The following SHQ1 variants were observed in gnomAD, a reference collection of about 807,000 sequenced individuals.
SHQ1 encodes the protein protein SHQ1 homolog.
A neutral mutation model predicts 53.8 loss-of-function variants in SHQ1; 49 were observed. That is an observed-to-expected ratio of 0.91 (90% CI 0.72 to 1.16). The LOEUF is 1.16. SHQ1 is among the 50% of genes most tolerant of loss of function. The probability of loss-of-function intolerance (pLI) is 0.00; values close to 1 mark genes in which losing one functional copy is unlikely to be tolerated. For synonymous variants in SHQ1, 243 were observed against 251.0 expected (o/e 0.97, Z 0.30); for missense variants, 738 against 683.1 (o/e 1.08, Z -0.90).
At chr3:72,765,713 C>T (rs1433787081) in intron 10 of SHQ1, among the ~76,000 whole-genome samples, 1 of 151,556 alleles carries the variant, frequency 6.6e-6, no homozygotes, top group Admixed American at 6.6e-5. Context: ...GCCACTACAC[C>T]CAGCTAATTT....
chr3:72,746,094 C>T (rs557744436), downstream of SHQ1, among the ~76,000 whole-genome samples: 20 of 152,276 alleles, frequency 1.3e-4, no homozygotes, highest in African/African-American at 2.4e-4. Flanking sequence ...CTGTCTGCCT[C>T]GGCCTCCCAA....
At chr3:72,783,363 CTTTTTTT>C (rs796866861) in intron 10 of SHQ1, among the ~76,000 whole-genome samples, 4 of 129,130 alleles carry the variant, frequency 3.1e-5, no homozygotes, top group Admixed American at 1.5e-4. Flanking sequence ...TTTTTATACA[CTTTTTTT>C]TTTTTTTTTT....
chr3:72,771,229 C>A (rs905717572), intron 10 of SHQ1, among the ~76,000 whole-genome samples: 1 of 152,194 alleles, frequency 6.6e-6, no homozygotes, highest in Non-Finnish European at 1.5e-5. Context: ...CAGCGCCTAA[C>A]CTTGTGCTTG....
intron 10 of SHQ1, among the ~76,000 whole-genome samples, chr3:72,791,128 T>G (rs1339717580): frequency 6.6e-6 from 1 of 152,116 alleles, no homozygotes; most frequent in African/African-American, 2.4e-5. Context: ...CTCACAGAAA[T>G]GAGATCCTGG....
chr3:72,800,844 G>C (rs904184649), intron 9 of SHQ1, among the ~76,000 whole-genome samples: 1 of 152,162 alleles, frequency 6.6e-6, no homozygotes, highest in African/African-American at 2.4e-5. Flanking sequence ...GACAAGAAAA[G>C]AATGTAGCTG....
intron 10 of SHQ1, among the ~76,000 whole-genome samples, chr3:72,774,991 T>G (rs767583882): frequency 6.6e-6 from 1 of 152,116 alleles, no homozygotes; most frequent in Non-Finnish European, 1.5e-5. Context: ...GGTGGGCACC[T>G]GTAATCCCAG....
the SHQ1 span, among the ~76,000 whole-genome samples, chr3:72,728,337 A>C: frequency 6.6e-6 from 1 of 152,158 alleles, no homozygotes; most frequent in Non-Finnish European, 1.5e-5. Flanking sequence ...ACGAATTCCC[A>C]CACCACGTAC....
At chr3:72,810,264 A>C (rs1046122453) in intron 9 of SHQ1, among the ~76,000 whole-genome samples, 1 of 152,224 alleles carries the variant, frequency 6.6e-6, no homozygotes, top group Non-Finnish European at 1.5e-5. Flanking sequence ...TTTGGATTAA[A>C]CAGAACAGCA....
At position 72,817,257 on chromosome 3, in the gene SHQ1, T is replaced by G; in HGVS notation, c.855A>C (p.Glu285Asp). The change falls in exon 7 of 11, where the codon GAA becomes GAC. Residue 285 changes from glutamate (E) to aspartate (D), a missense_variant. Physicochemically the swap from Glu to Asp is conservative, Grantham distance 45 (BLOSUM62 2). Coordinates refer to ENST00000325599, the MANE Select transcript of SHQ1 (RefSeq NM_018130.3). The stretch of plus-strand genomic sequence containing the variant: ...TCTTCTCTCCTTCAGTGACACGGGT[T>G]TCATAGCAATATGCCAGAAGGATAT... ...LIDILLAYCY[E>D]TRVTEGEKNV... 1.2e-6 allele frequency: 2 copies of G among 1,613,560 alleles called. No homozygotes were observed. Among genetic ancestry groups the G allele is most frequent in the Non-Finnish European group, 8.5e-7 (1 of 1,179,658 alleles).
Position 72,824,473 on chromosome 3 carries a change from C to T in SHQ1, c.678G>A (p.Met226Ile). The change falls in exon 6 of 11, where the codon ATG becomes ATA. Residue 226 changes from methionine to isoleucine, a missense_variant. Physicochemically the swap from Met to Ile is conservative, Grantham distance 10 (BLOSUM62 1). Coordinates refer to ENST00000325599, the MANE Select transcript of SHQ1 (RefSeq NM_018130.3). ...NPWWTDKYSK[M>I]MAFLEKSQEQ... ...CCTGACTCTTTTCCAAAAAGGCCAT[C>T]ATTTTTGAATATTTGTCAGTCCACC... 1 of 1,612,872 alleles carries T rather than the reference C, an allele frequency of 6.2e-7. No individual in the cohort carries two copies. The highest frequency in any genetic ancestry group is 8.5e-7 in the Non-Finnish European group (1 of 1,179,706).
At position 72,796,810 on chromosome 3, in the gene SHQ1, ACT is replaced by A. The variant is rs945112350; in HGVS notation, c.1061-3776_1061-3775del. Among the ~76,000 whole-genome samples the A allele has an allele frequency of 4.6e-5, 7 of 152,110 alleles. No homozygotes were observed. The East Asian group carries it at 9.7e-4, about 21-fold the overall frequency. ...ACTCCAGCCTGAGCAACAGAGTGAG[ACT>A]CTGTCTCAAAAACAAAAGAAATGTC... On this transcript the variant is annotated intron_variant, in intron 9 of 10. Coordinates refer to ENST00000325599, the MANE Select transcript of SHQ1 (RefSeq NM_018130.3).
At position 72,812,728 on chromosome 3, in the gene SHQ1, G is replaced by C; in HGVS notation, c.1003C>G (p.Arg335Gly). ...GRRVLCYPLY[R>G]HFKLVMKAYR... The stretch of plus-strand genomic sequence containing the variant: ...GCCTTCATCACCAGCTTGAAATGGC[G>C]ATAGAGTGGGTAACACAACACCCTT... Residue 335 changes from arginine (R) to glycine (G), a missense_variant, in exon 9 of 11, where the codon CGC becomes GGC. Arg to Gly is a moderately radical substitution (Grantham distance 125). Coordinates refer to ENST00000325599, the MANE Select transcript of SHQ1 (RefSeq NM_018130.3). 1 of 1,614,012 alleles carries C rather than the reference G, an allele frequency of 6.2e-7. No homozygotes were observed. Among genetic ancestry groups the C allele is most frequent in the Non-Finnish European group, 8.5e-7 (1 of 1,179,956 alleles).
At chr3:72,772,528 C>A (rs1470754847) in intron 10 of SHQ1, 2 of 642,606 alleles carry the variant, frequency 3.1e-6, no homozygotes, top group Admixed American at 3.9e-5. Flanking sequence ...ACAAGTCGTA[C>A]ACAACCTAAG....
At chr3:72,842,488 G>T in intron 2 of SHQ1, 86 bp from the exon 3 acceptor site, 1 of 1,225,242 alleles carries the variant, frequency 8.2e-7, no homozygotes, top group Non-Finnish European at 1.1e-6. Context: ...CAATACTCTG[G>T]CAGTCTGAGG....
intron 10 of SHQ1, among the ~76,000 whole-genome samples, chr3:72,765,559 T>TATATA (rs1559662676): frequency 9.7e-4 from 96 of 98,938 alleles, no homozygotes; most frequent in Middle Eastern, 5.6e-3. Context: ...ATATATATAT[T>TATATA]TTTTTTTTTT....
intron 5 of SHQ1, among the ~76,000 whole-genome samples, chr3:72,830,519 T>TA (rs559658581): frequency 0.02 from 3,106 of 151,794 alleles, 94 homozygotes; most frequent in African/African-American, 0.069. Context: ...AGCACTGAGC[T>TA]AAAAAAAAGA....
Position 72,750,151 on chromosome 3 carries a change from G to C in SHQ1, c.*133C>G, listed in dbSNP as rs1705332872. On this transcript the variant is annotated 3_prime_UTR_variant, in exon 11 of 11. Transcript: ENST00000325599. ...TGATCTGCAGTTGGTTGAATCCACA[G>C]ATGTGGAACACACAAATACAGTGGG... 1.3e-6 allele frequency: 1 copy of C among 773,838 alleles called. No homozygotes were observed. Among genetic ancestry groups the C allele is most frequent in the African/African-American group, 1.7e-5 (1 of 57,148 alleles). The allele number at this position is 773,838 out of a possible 1,614,324, so 47.9% of individuals were successfully genotyped here.
chr3:72,796,664 A>G (rs978928812), intron 9 of SHQ1, among the ~76,000 whole-genome samples: 5 of 150,208 alleles, frequency 3.3e-5, no homozygotes, highest in Non-Finnish European at 5.9e-5. Flanking sequence ...CTACAACAAT[A>G]AAAAAATTAG....
At chr3:72,752,087 G>A (rs1705397401) in intron 10 of SHQ1, among the ~76,000 whole-genome samples, 1 of 152,118 alleles carries the variant, frequency 6.6e-6, no homozygotes, top group Non-Finnish European at 1.5e-5. Context: ...TTATAAGACT[G>A]GTTGACTGGT....
Sources: allele counts gnomAD v4.1 joint callset (sites outside exome capture counted in the v4.1 genomes callset), GRCh38; gene constraint gnomAD v4.1.1; transcripts MANE v1.5; gene names NCBI Gene and HGNC (gene_info 2026-07-23, HGNC 2026-07-21).